The following CDH13 variants were observed in gnomAD, a reference collection of about 807,000 sequenced individuals.
CDH13 encodes the protein cadherin 13, also known as cadherin-13.
Under a neutral mutation model 63.8 loss-of-function variants are expected in CDH13, and 24 were observed. The observed-to-expected ratio is 0.38, with a 90% CI of 0.27 to 0.53. The LOEUF is 0.53. Among genes scored for constraint, CDH13 ranks in the 20% least tolerant of loss-of-function variants. The pLI, the probability that CDH13 is intolerant of heterozygous loss-of-function variation, is 0.85. For synonymous variants in CDH13, 503 were observed against 355.3 expected (o/e 1.42, Z -4.67); for missense variants, 1,049 against 903.1 (o/e 1.16, Z -2.07).
At chr16:83,671,277 C>G (rs1363976023) in intron 9 of CDH13, among the ~76,000 whole-genome samples, 1 of 152,190 alleles carries the variant, frequency 6.6e-6, no homozygotes, top group Non-Finnish European at 1.5e-5. Flanking sequence ...TTGAGACAGT[C>G]TCACTCTGTC....
intron 3 of CDH13, among the ~76,000 whole-genome samples, chr16:83,123,097 T>G (rs2035657333): frequency 6.6e-6 from 1 of 152,140 alleles, no homozygotes; most frequent in African/African-American, 2.4e-5. Flanking sequence ...GCAAAAGACA[T>G]GATTTTATTC....
chr16:82,716,505 A>C (rs2032381838), intron 1 of CDH13, among the ~76,000 whole-genome samples: 2 of 151,292 alleles, frequency 1.3e-5, no homozygotes, highest in Non-Finnish European at 2.9e-5. Flanking sequence ...ATTATTAAAC[A>C]GTTGTAAAAG....
At chr16:83,488,194 T>C (rs1425580709) in intron 7 of CDH13, among the ~76,000 whole-genome samples, 4 of 152,216 alleles carry the variant, frequency 2.6e-5, no homozygotes, top group Non-Finnish European at 5.9e-5. Flanking sequence ...TTGGTGGCTA[T>C]TGTACCGGAC....
chr16:83,021,652 T>C (rs1915360207), intron 2 of CDH13, among the ~76,000 whole-genome samples: 1 of 152,202 alleles, frequency 6.6e-6, no homozygotes, highest in South Asian at 2.1e-4. Flanking sequence ...TGAAACTCTA[T>C]TTTATCAAAG....
chr16:82,739,343 G>T (rs2033829593), intron 1 of CDH13, among the ~76,000 whole-genome samples: 1 of 152,314 alleles, frequency 6.6e-6, no homozygotes, highest in Admixed American at 6.5e-5. Flanking sequence ...TGTGAGGGAA[G>T]AGAAGTTTCC....
At chr16:83,605,891 A>C (rs7201842) in intron 8 of CDH13, among the ~76,000 whole-genome samples, 1 of 152,100 alleles carries the variant, frequency 6.6e-6, no homozygotes, top group African/African-American at 2.4e-5. Flanking sequence ...GGGAGAAGCA[A>C]TTCTGCAGGA....
At chr16:82,931,513 C>CTT (rs11442675) in intron 2 of CDH13, among the ~76,000 whole-genome samples, 1,939 of 144,354 alleles carry the variant, frequency 0.013, 30 homozygotes, top group African/African-American at 0.038. Context: ...AGGTCCCCCC[C>CTT]TTTTTTTTTT....
chr16:82,919,206 C>A (rs1026034949), intron 2 of CDH13, among the ~76,000 whole-genome samples: 1 of 152,010 alleles, frequency 6.6e-6, no homozygotes, highest in Non-Finnish European at 1.5e-5. Flanking sequence ...GGCATCTTTA[C>A]TTTTTAAACT....
chr16:83,129,923 C>A (rs542333451), intron 4 of CDH13, among the ~76,000 whole-genome samples: 1 of 152,322 alleles, frequency 6.6e-6, no homozygotes, highest in South Asian at 2.1e-4. Flanking sequence ...CCTGAACTAG[C>A]ATTCTCATGT....
At chr16:82,667,314 T>G (rs569462160) in intron 1 of CDH13, among the ~76,000 whole-genome samples, 1 of 152,138 alleles carries the variant, frequency 6.6e-6, no homozygotes, top group African/African-American at 2.4e-5. Flanking sequence ...TTGAGGCAGG[T>G]AAGGAGGGGA....
intron 2 of CDH13, among the ~76,000 whole-genome samples, chr16:82,891,576 A>T (rs1426750381): frequency 1.3e-5 from 2 of 152,234 alleles, no homozygotes; most frequent in Admixed American, 1.3e-4. Context: ...CTTATCGGAC[A>T]TATGTTGTTA....
chr16:82,752,504 G>C (rs926460798), intron 1 of CDH13, among the ~76,000 whole-genome samples: 1 of 152,214 alleles, frequency 6.6e-6, no homozygotes, highest in African/African-American at 2.4e-5. Context: ...TTCTTGATTG[G>C]TTGAGGCAAG....
rs2036136791 is a variant in CDH13 at position 82,788,587 on chromosome 16, T to TA, written c.46-69773dup. Reference sequence around the variant, plus strand: ...GAACACTTACATTTTCTGACAACTCTAATCTTGGAGCTCAGGGAATAGCAC... The same window carrying TA: ...GAACACTTACATTTTCTGACAACTCTAAATCTTGGAGCTCAGGGAATAGCAC... On this transcript the variant is annotated intron_variant, in intron 1 of 13. Coordinates refer to ENST00000567109, the MANE Select transcript of CDH13 (RefSeq NM_001257.5). Among the ~76,000 whole-genome samples the TA allele has an allele frequency of 3.3e-5, 5 of 152,228 alleles. No individual in the cohort carries two copies. In the South Asian group the frequency reaches 1.0e-3, roughly 32 times the overall value.
At chr16:83,697,835 T>C (rs985152429) in intron 10 of CDH13, among the ~76,000 whole-genome samples, 1 of 152,178 alleles carries the variant, frequency 6.6e-6, no homozygotes, top group Admixed American at 6.5e-5. Context: ...TTAGTAGAGA[T>C]GGAGTTTCAC....
chr16:82,963,711 G>C (rs1443640780), intron 2 of CDH13, among the ~76,000 whole-genome samples: 3 of 152,124 alleles, frequency 2.0e-5, no homozygotes, highest in Admixed American at 6.6e-5. Flanking sequence ...ACAATTCCCA[G>C]TGTACAGTAA....
intron 7 of CDH13, among the ~76,000 whole-genome samples, chr16:83,584,516 G>A (rs2150727208): frequency 6.6e-6 from 1 of 152,274 alleles, no homozygotes; most frequent in African/African-American, 2.4e-5. Context: ...AGTGACCCCT[G>A]AGGCGGTCAT....
intron 10 of CDH13, among the ~76,000 whole-genome samples, chr16:83,696,137 C>T (rs35770281): frequency 0.27 from 41,350 of 152,050 alleles, 5,871 homozygotes; most frequent in Non-Finnish European, 0.29. Context: ...GCAATCCACT[C>T]GCTTCTGCCT....
intron 2 of CDH13, among the ~76,000 whole-genome samples, chr16:83,028,453 C>T (rs1363673099): frequency 6.6e-5 from 10 of 152,238 alleles, no homozygotes; most frequent in Non-Finnish European, 8.8e-5. Flanking sequence ...GGCACCGCAG[C>T]GTGCAGTGCT....
intron 1 of CDH13, among the ~76,000 whole-genome samples, chr16:82,834,457 G>T (rs955392487): frequency 2.5e-4 from 38 of 152,178 alleles, no homozygotes; most frequent in African/African-American, 8.4e-4. Context: ...CCATAAGAAA[G>T]TTTCCCCCTC....
Sources: gnomAD v4.1 joint callset for allele counts (sites outside exome capture counted in the v4.1 genomes callset) on GRCh38, gnomAD v4.1.1 for gene constraint, MANE v1.5 for transcripts, NCBI Gene and HGNC (gene_info 2026-07-23, HGNC 2026-07-21) for gene names.